Variants in EYS observed in about 807,000 individuals in gnomAD.
The protein encoded by EYS is protein eyes shut homolog.
In EYS, 250 loss-of-function variants were observed where a neutral mutation model predicts 282.1. That is an observed-to-expected ratio of 0.89 (90% CI 0.80 to 0.98). The LOEUF is 0.98. Among genes scored for constraint, EYS ranks in the 50% least tolerant of loss-of-function variants. The probability of loss-of-function intolerance (pLI) is 0.00; values close to 1 mark genes in which losing one functional copy is unlikely to be tolerated. For synonymous variants in EYS, 1,355 were observed against 1,282.9 expected, an observed-to-expected ratio of 1.06 and a Z score of -1.20; for missense variants, 4,016 against 3,709.0, an observed-to-expected ratio of 1.08 and a Z score of -2.15.
At chr6:64,404,054 T>G (rs1183436853) in intron 28 of EYS, among the ~76,000 whole-genome samples, 3 of 152,120 alleles carry the variant, frequency 2.0e-5, no homozygotes, top group African/African-American at 7.2e-5. Context: ...TCAAGAGTGA[T>G]GGCTATTTAA....
chr6:64,316,639 A>G (rs1006235094), intron 29 of EYS, among the ~76,000 whole-genome samples: 1 of 152,218 alleles, frequency 6.6e-6, no homozygotes, highest in East Asian at 1.9e-4. Flanking sequence ...CATACTGCCC[A>G]AAGTAATTTA....
chr6:64,497,788 T>A (rs1019624210), intron 26 of EYS, among the ~76,000 whole-genome samples: 1 of 152,098 alleles, frequency 6.6e-6, no homozygotes, highest in East Asian at 1.9e-4. Flanking sequence ...TGATTATTTG[T>A]TTTCAGAAAT....
intron 40 of EYS, among the ~76,000 whole-genome samples, chr6:63,773,322 T>C (rs1355863131): frequency 6.6e-6 from 1 of 152,096 alleles, no homozygotes; most frequent in Admixed American, 6.6e-5. Context: ...TAGGGAGTAC[T>C]CTCTCAAGGA....
chr6:63,744,298 G>C (rs1368468040), intron 41 of EYS: 1 of 152,134 alleles, frequency 6.6e-6, no homozygotes, highest in Non-Finnish European at 1.5e-5. Context: ...AAAGGACACT[G>C]TTTTATCTTC....
intron 29 of EYS, among the ~76,000 whole-genome samples, chr6:64,372,511 G>C (rs1016998092): frequency 6.6e-6 from 1 of 151,702 alleles, no homozygotes; most frequent in Non-Finnish European, 1.5e-5. Flanking sequence ...TGATGTCTCT[G>C]TGTCTTGGGG....
chr6:64,811,073 A>C (rs1469172880), intron 22 of EYS, among the ~76,000 whole-genome samples: 1 of 152,048 alleles, frequency 6.6e-6, no homozygotes, highest in African/African-American at 2.4e-5. Flanking sequence ...CCCATGAACA[A>C]ATCTCATAAT....
intron 2 of EYS, among the ~76,000 whole-genome samples, chr6:65,515,769 C>T (rs1376484726): frequency 1.6e-5 from 2 of 122,308 alleles, no homozygotes; most frequent in Non-Finnish European, 3.2e-5. Flanking sequence ...GGAAGGGGAA[C>T]ATCACACTCT....
chr6:63,919,629 C>T (rs1047041495), intron 35 of EYS, among the ~76,000 whole-genome samples: 1 of 152,324 alleles, frequency 6.6e-6, no homozygotes, highest in Admixed American at 6.5e-5. Context: ...GAAGGTTTGG[C>T]AATCCCTCTC....
At chr6:63,858,112 C>G (rs554521752) in intron 36 of EYS, among the ~76,000 whole-genome samples, 1 of 152,050 alleles carries the variant, frequency 6.6e-6, no homozygotes, top group African/African-American at 2.4e-5. Context: ...CTTAGCAAAA[C>G]GAGAAGATTT....
At chr6:64,095,916 A>T (rs547771094) in intron 31 of EYS, among the ~76,000 whole-genome samples, 1 of 151,988 alleles carries the variant, frequency 6.6e-6, no homozygotes, top group African/African-American at 2.4e-5. Context: ...CCATGTTTAG[A>T]GCTTCCTTCA....
chr6:65,547,888 C>T (rs1768452789), intron 2 of EYS, among the ~76,000 whole-genome samples: 1 of 152,164 alleles, frequency 6.6e-6, no homozygotes, highest in Non-Finnish European at 1.5e-5. Context: ...AAACACTCTT[C>T]CCAATATGAT....
At chr6:64,253,406 T>G (rs1244806202) in intron 30 of EYS, among the ~76,000 whole-genome samples, 2 of 152,178 alleles carry the variant, frequency 1.3e-5, no homozygotes, top group Non-Finnish European at 2.9e-5. Context: ...TCACATCTTC[T>G]CATTGTAAGT....
At chr6:65,610,442 T>A (rs1310944019) in intron 2 of EYS, among the ~76,000 whole-genome samples, 1 of 152,112 alleles carries the variant, frequency 6.6e-6, no homozygotes, top group East Asian at 1.9e-4. Context: ...TTCCATCATT[T>A]AGATACATTT....
At chr6:65,625,029 G>A (rs914546284) in intron 2 of EYS, among the ~76,000 whole-genome samples, 1 of 152,068 alleles carries the variant, frequency 6.6e-6, no homozygotes, top group African/African-American at 2.4e-5. Context: ...AGATGCTCTG[G>A]AAAAGGGAGG....
At chr6:65,332,367 C>G in intron 11 of EYS, 1 of 952,848 alleles carries the variant, frequency 1.0e-6, no homozygotes, top group Non-Finnish European at 1.7e-6. Context: ...CTGTATAAAC[C>G]TTTCTATATG....
intron 11 of EYS, among the ~76,000 whole-genome samples, chr6:65,302,218 T>A (rs1768861908): frequency 6.6e-6 from 1 of 152,218 alleles, no homozygotes; most frequent in African/African-American, 2.4e-5. Context: ...ATGCTGTGTT[T>A]GAATTGTGGC....
intron 13 of EYS, among the ~76,000 whole-genome samples, chr6:65,020,552 C>T (rs1772218861): frequency 6.6e-6 from 1 of 152,170 alleles, no homozygotes; most frequent in African/African-American, 2.4e-5. Flanking sequence ...CACAGGCTGG[C>T]ATTGGGTGTC....
At chr6:65,008,408 C>T (rs529726948) in intron 13 of EYS, among the ~76,000 whole-genome samples, 32 of 151,872 alleles carry the variant, frequency 2.1e-4, no homozygotes, top group Non-Finnish European at 1.8e-4. Flanking sequence ...AACGTGGCAA[C>T]CTTGGTTTTT....
At chr6:63,834,946 G>A (rs1357042208) in intron 36 of EYS, among the ~76,000 whole-genome samples, 1 of 149,840 alleles carries the variant, frequency 6.7e-6, no homozygotes, top group Non-Finnish European at 1.5e-5. Flanking sequence ...ACACACTATG[G>A]CAAGGACAGA....
Sources: allele counts gnomAD v4.1 joint callset (sites outside exome capture counted in the v4.1 genomes callset), GRCh38; gene constraint gnomAD v4.1.1; transcripts MANE v1.5; gene names NCBI Gene and HGNC (gene_info 2026-07-23, HGNC 2026-07-21).